IFT57: variants seen among roughly 807,000 people sequenced by gnomAD.
The protein encoded by IFT57 is intraflagellar transport protein 57 homolog.
Under a neutral mutation model 56.8 loss-of-function variants are expected in IFT57, and 59 were observed. That is an observed-to-expected ratio of 1.04 (90% CI 0.84 to 1.29). IFT57 has a LOEUF of 1.29. Among genes scored for constraint, IFT57 ranks in the 50% most tolerant of loss-of-function variants. The pLI, the probability that IFT57 is intolerant of heterozygous loss-of-function variation, is 0.00. For missense variants in IFT57, 470 were observed against 522.1 expected, an observed-to-expected ratio of 0.90 and a Z score of 0.97; for synonymous variants, 209 against 186.1, an observed-to-expected ratio of 1.12 and a Z score of -1.00.
chr3:108,172,788 T>C (rs2080101805), intron 6 of IFT57, among the ~76,000 whole-genome samples: 1 of 151,818 alleles, frequency 6.6e-6, no homozygotes, highest in East Asian at 1.9e-4. Flanking sequence ...AATACTACAG[T>C]GTGACAAGAA....
chr3:108,215,901 T>C (rs1008513256), intron 3 of IFT57, among the ~76,000 whole-genome samples: 5 of 151,642 alleles, frequency 3.3e-5, no homozygotes, highest in African/African-American at 1.2e-4. Context: ...AAAAGAAAAA[T>C]AAATAGTACT....
At position 108,195,781 on chromosome 3, in the gene IFT57, GGAGGTAGAGA is replaced by G. The variant is rs531592552; in HGVS notation, c.655-4148_655-4139del. On this transcript the variant is annotated intron_variant, in intron 5 of 10. Coordinates refer to ENST00000264538, the MANE Select transcript of IFT57 (RefSeq NM_018010.4). ...GGAGGTAAAAATAAGTAGATTTCATGGAGGTAGAGAGTAGAATGATGGTTACCAGAGATTG... is the reference window on the plus strand; with the variant it reads ...GGAGGTAAAAATAAGTAGATTTCATGGTAGAATGATGGTTACCAGAGATTG... 3.8e-4 allele frequency among the ~76,000 whole-genome samples: 58 copies of G among 152,184 alleles called. No homozygotes were observed. The South Asian group carries it at 0.012, about 31-fold the overall frequency.
At chr3:108,183,834 T>C (rs2080164633) in intron 6 of IFT57, among the ~76,000 whole-genome samples, 1 of 152,140 alleles carries the variant, frequency 6.6e-6, no homozygotes, top group East Asian at 1.9e-4. Context: ...TTAAAATTAA[T>C]CAAAATTACA....
At chr3:108,212,634 A>AT (rs1251571071) in intron 4 of IFT57, among the ~76,000 whole-genome samples, 1 of 152,204 alleles carries the variant, frequency 6.6e-6, no homozygotes, top group African/African-American at 2.4e-5. Context: ...ACAGCAACAC[A>AT]AAATGGACTA....
chr3:108,205,982 TATATA>T (rs1363624301), intron 5 of IFT57, among the ~76,000 whole-genome samples: 21 of 33,468 alleles, frequency 6.3e-4, no homozygotes, highest in Admixed American at 1.4e-3. Flanking sequence ...TTATATATAA[TATATA>T]ATATATTTAT....
At chr3:108,182,473 G>A (rs888446651) in intron 6 of IFT57, among the ~76,000 whole-genome samples, 5 of 152,056 alleles carry the variant, frequency 3.3e-5, no homozygotes, top group African/African-American at 4.8e-5. Flanking sequence ...CTCTCACTGT[G>A]ACTAGAGAGG....
rs1350503450 is a variant in IFT57, at chr3:108,191,602, G to A, written c.696C>T (p.Ser232=). The change falls in exon 6 of 11, where the codon TCC becomes TCT. Residue 232 remains serine, a synonymous_variant. Coordinates refer to ENST00000264538, the MANE Select transcript of IFT57 (RefSeq NM_018010.4). ...ETAKQEDILE[S]TTDAAEWSLE... ...GGCTCCATTCTGCAGCATCTGTTGT[G>A]GATTCCAAAATATCTTCTTGTTTGG... 6.2e-7 allele frequency: 1 copy of A among 1,608,224 alleles called. No individual in the cohort carries two copies. The highest frequency in any genetic ancestry group is 8.5e-7 in the Non-Finnish European group (1 of 1,176,174).
intron 5 of IFT57, among the ~76,000 whole-genome samples, chr3:108,196,399 T>C (rs1198480409): frequency 5.3e-5 from 8 of 152,122 alleles, no homozygotes; most frequent in Non-Finnish European, 2.9e-5. Flanking sequence ...GTGAATAACA[T>C]ACTCAAAATG....
chr3:108,206,548 C>T (rs768803521), intron 5 of IFT57, 80 bp downstream of exon 5: 20 of 574,518 alleles, frequency 3.5e-5, no homozygotes, highest in African/African-American at 5.9e-5. Context: ...TGGCCAACAA[C>T]GGTTTCTACT....
At position 108,161,703 on chromosome 3, in the gene IFT57, C is replaced by G. The variant is rs944745445; in HGVS notation, c.*774G>C. ...AAGTAAAGATCATCAGTACTAGAGG[C>G]TGATCTTCATGCGACCTGTCATCGT... On this transcript the variant is annotated 3_prime_UTR_variant, in exon 11 of 11. Transcript: ENST00000264538. 1 of 152,104 alleles carries G rather than the reference C, an allele frequency of 6.6e-6. No homozygotes were observed. The highest frequency in any genetic ancestry group is 1.9e-4 in the East Asian group (1 of 5,176). 9.4% of individuals were successfully genotyped at this position (152,104 alleles called of 1,614,324 possible).
chr3:108,214,552 C>G (rs1266603873), intron 3 of IFT57, among the ~76,000 whole-genome samples: 1 of 152,004 alleles, frequency 6.6e-6, no homozygotes, highest in Non-Finnish European at 1.5e-5. Context: ...AAATGTTACC[C>G]TAATTTAGAC....
chr3:108,199,366 A>G (rs2080264270), intron 5 of IFT57, among the ~76,000 whole-genome samples: 2 of 152,242 alleles, frequency 1.3e-5, no homozygotes, highest in African/African-American at 4.8e-5. Flanking sequence ...TAGCCTAACA[A>G]GAATGTATGG....
intron 6 of IFT57, among the ~76,000 whole-genome samples, chr3:108,171,957 A>ATACT (rs2080095217): frequency 6.6e-6 from 1 of 151,672 alleles, no homozygotes; most frequent in Non-Finnish European, 1.5e-5. Flanking sequence ...AAATGCATAC[A>ATACT]TACATACATA....
At chr3:108,207,912 G>A (rs61705621) in intron 4 of IFT57, among the ~76,000 whole-genome samples, 14,600 of 152,080 alleles carry the variant, frequency 0.096, 758 homozygotes, top group Middle Eastern at 0.12. Flanking sequence ...GCGTGGTGGC[G>A]GGCGCCTGTA....
intron 10 of IFT57, 140 bp from the exon 11 acceptor site, chr3:108,162,795 C>T (rs1188059437): frequency 4.8e-6 from 3 of 628,460 alleles, no homozygotes; most frequent in Middle Eastern, 9.1e-4. Flanking sequence ...GACATTCACA[C>T]AGTTTTGCTG....
At chr3:108,186,588 A>C (rs2080184390) in intron 6 of IFT57, among the ~76,000 whole-genome samples, 1 of 152,218 alleles carries the variant, frequency 6.6e-6, no homozygotes, top group Admixed American at 6.6e-5. Context: ...TCAATGAAAA[A>C]TTAAACCAAA....
chr3:108,195,567 C>G (rs899639324), intron 5 of IFT57, among the ~76,000 whole-genome samples: 1 of 152,072 alleles, frequency 6.6e-6, no homozygotes, highest in Non-Finnish European at 1.5e-5. Context: ...AGGGAATCAA[C>G]CTAAGTGTTG....
At chr3:108,172,131 T>G (rs1433305555) in intron 6 of IFT57, among the ~76,000 whole-genome samples, 1 of 151,876 alleles carries the variant, frequency 6.6e-6, no homozygotes, top group Non-Finnish European at 1.5e-5. Flanking sequence ...TACGATAGTG[T>G]ACACTGATGT....
At chr3:108,185,132 G>A (rs773386928) in intron 6 of IFT57, among the ~76,000 whole-genome samples, 1 of 152,058 alleles carries the variant, frequency 6.6e-6, no homozygotes, top group African/African-American at 2.4e-5. Context: ...AAAACCTTTC[G>A]CTTTTTGCAA....
Sources: allele counts gnomAD v4.1 joint callset (sites outside exome capture counted in the v4.1 genomes callset), GRCh38; gene constraint gnomAD v4.1.1; transcripts MANE v1.5; gene names NCBI Gene and HGNC (gene_info 2026-07-23, HGNC 2026-07-21).